The following ITIH1 variants were observed in gnomAD, a reference collection of about 807,000 sequenced individuals.
ITIH1 encodes inter-alpha-trypsin inhibitor heavy chain H1.
ITIH1 carries 94 observed loss-of-function variants against 104.6 expected under a neutral mutation model. The ratio of observed to expected loss-of-function variants is 0.90; its 90% CI spans 0.76 to 1.07. The LOEUF (loss-of-function observed/expected upper bound fraction) is 1.07, where lower values mean the gene tolerates loss of function less well. Ranked by LOEUF, ITIH1 falls within the 50% of genes least tolerant of loss-of-function variation. The probability of loss-of-function intolerance (pLI) is 0.00; values close to 1 mark genes in which losing one functional copy is unlikely to be tolerated. For missense variants in ITIH1, 1,193 were observed against 1,181.4 expected (o/e 1.01, Z -0.14); for synonymous variants, 455 against 464.4 (o/e 0.98, Z 0.26).
In ITIH1 at chr3:52,784,368, T is replaced by C. The variant is rs1430412156; in HGVS notation, c.1298T>C (p.Leu433Pro). 6.2e-7 allele frequency: 1 copy of C among 1,614,120 alleles called. No individual in the cohort carries two copies. ...AIRGRFPLYN[L>P]GFGHNVDFNF... ...CGGGGCAGGTTCCCGCTCTACAACC[T>C]GGGTTTCGGCCACAATGTGGACTTT... Residue 433 changes from leucine (L) to proline (P), a missense_variant, in exon 11 of 22, where the codon CTG (leucine) becomes CCG (proline). Leu to Pro is a moderately conservative substitution (Grantham distance 98). Transcript: ENST00000273283.
intron 10 of ITIH1, 76 bp downstream of exon 10, chr3:52,783,415 C>G: frequency 6.6e-7 from 1 of 1,522,022 alleles, no homozygotes; most frequent in Admixed American, 1.9e-5. Flanking sequence ...AGTTGGAAAC[C>G]CAACCATTGG....
rs563814051 is a variant in ITIH1, at chr3:52,781,208, T to TC, written c.688-732_688-731insC. ...CACCTCCTCCTCTTCTTTTTTTTTT[T>TC]TTCTTCTTCTTCTTCTTCTTCTTCT... On this transcript the variant is annotated intron_variant, in intron 6 of 21. Coordinates refer to ENST00000273283, the MANE Select transcript of ITIH1 (RefSeq NM_002215.4). Among the ~76,000 whole-genome samples the TC allele has an allele frequency of 2.6e-3, 130 of 49,906 alleles. 4 individuals are homozygous for TC. Among genetic ancestry groups the TC allele is most frequent in the African/African-American group, 0.01 (114 of 10,920 alleles). The allele number at this position is 49,906 out of a possible 152,430, so 32.7% of individuals were successfully genotyped here. A position where few individuals can be genotyped will look rare whatever the true frequency, so the allele number is the denominator to read the frequency against.
rs200911347 is a variant in ITIH1 at position 52,788,063 on chromosome 3, G to A, written c.2002G>A (p.Gly668Ser). 97 of 1,602,888 alleles carry A rather than the reference G, an allele frequency of 6.1e-5. No homozygotes were observed. Among genetic ancestry groups the A allele is most frequent in the African/African-American group, 2.7e-4 (20 of 74,950 alleles). The change falls in exon 17 of 22, where the codon GGC becomes AGC. Residue 668 changes from glycine (G) to serine (S), a missense_variant. Physicochemically the swap from Gly to Ser is moderately conservative, Grantham distance 56. Coordinates refer to ENST00000273283, the MANE Select transcript of ITIH1 (RefSeq NM_002215.4). ...CCAGCGGCTGCCAGACCGAGTGACC[G>A]GCGGTGAGTCCTTGGAAGGGTCTGA... ...NTQRLPDRVT[G>S]VDTDPHFIIH...
At chr3:52,785,268 C>A (rs1160552996) in intron 12 of ITIH1, 39 bp downstream of exon 12, 4 of 1,596,122 alleles carry the variant, frequency 2.5e-6, no homozygotes, top group Non-Finnish European at 2.6e-6. Flanking sequence ...GGCCAGGCAG[C>A]ACCCTAGAGG....
chr3:52,777,798 C>T (rs553963293), intron 1 of ITIH1, 66 bp downstream of exon 1: 3 of 1,448,150 alleles, frequency 2.1e-6, no homozygotes, highest in Non-Finnish European at 2.9e-6. Flanking sequence ...GGGCGGGACA[C>T]AAGACCCCCA....
At position 52,778,290 on chromosome 3, in the gene ITIH1, G is replaced by A. The variant is rs143729238; in HGVS notation, c.139-50G>A. 342 of 1,581,614 alleles carry A rather than the reference G, an allele frequency of 2.2e-4. 2 individuals carry two copies. In the African/African-American group the frequency reaches 4.0e-3, roughly 18 times the overall value. On this transcript the variant is annotated intron_variant, in intron 2 of 21. Coordinates refer to ENST00000273283, the MANE Select transcript of ITIH1 (RefSeq NM_002215.4). ...GTCCCCGTACCACAGGAAGTCCCTC[G>A]CTGACAGAGGCCCTGTCTCAGGCCA...
rs201059723 is a variant in ITIH1, at chr3:52,786,323, T to C, written c.1622T>C (p.Leu541Pro). ...GGACAAGAATTCAGTATAACCTGCCTAGTGGATGAGGAGGAGATGAAGAAA... is the reference window on the plus strand; with the variant it reads ...GGACAAGAATTCAGTATAACCTGCCCAGTGGATGAGGAGGAGATGAAGAAA... ...GEGQEFSITC[L>P]VDEEEMKKLL... Residue 541 changes from leucine to proline, a missense_variant, in exon 13 of 22, where the codon CTA becomes CCA. Leu to Pro is a moderately conservative substitution (Grantham distance 98). Coordinates refer to ENST00000273283, the MANE Select transcript of ITIH1 (RefSeq NM_002215.4). 2 of 1,572,766 alleles carry C rather than the reference T, an allele frequency of 1.3e-6. No homozygotes were observed. The highest frequency in any genetic ancestry group is 1.3e-5 in the African/African-American group (1 of 74,436).
At chr3:52,791,730 G>C in intron 21 of ITIH1, 52 bp from the exon 22 acceptor site, 3 of 1,606,306 alleles carry the variant, frequency 1.9e-6, no homozygotes, top group Non-Finnish European at 1.7e-6. Flanking sequence ...TCCTGGGGAG[G>C]TGCTGCCCTA....
chr3:52,791,020 G>A, intron 20 of ITIH1, 99 bp downstream of exon 20: 1 of 1,266,768 alleles, frequency 7.9e-7, no homozygotes, highest in Non-Finnish European at 1.1e-6. Context: ...CTGGGCACCA[G>A]GACAGGCCCA....
At chr3:52,778,592 T>A in intron 3 of ITIH1, 86 bp downstream of exon 3, 1 of 1,577,232 alleles carries the variant, frequency 6.3e-7, no homozygotes. Context: ...AGTGGCCAGA[T>A]AACGCAGAGC....
chr3:52,779,029 G>C lies in ITIH1; in HGVS notation c.393G>C (p.Glu131Asp), dbSNP rs1261472017. The C allele has an allele frequency of 6.2e-7, 1 of 1,613,218 alleles. No homozygotes were observed. The highest frequency in any genetic ancestry group is 8.5e-7 in the Non-Finnish European group (1 of 1,179,118). ...KQYRKAAISG[E>D]NAGLVRASGR... ...ACCGGAAAGCAGCTATCTCAGGAGA[G>C]AATGCCGGCCTTGTCAGGTGAGTTC... Residue 131 changes from glutamate to aspartate, a missense_variant, in exon 4 of 22, where the codon GAG becomes GAC. Transcript: ENST00000273283. The surrounding 1 kb of genome is among the most constrained non-coding windows in gnomAD (Gnocchi z 4.4).
Position 52,779,071 on chromosome 3 carries a change from A to T in ITIH1, c.410+25A>T. On this transcript the variant is annotated intron_variant, in intron 4 of 21. Transcript: ENST00000273283. The surrounding 1 kb of genome is among the most constrained non-coding windows in gnomAD (Gnocchi z 4.4). ...GGTGAGTTCTGGGCCTGCTGGTCTC[A>T]TCTCTAGGGCTGCCCTCCCCAGCCA... 1 of 1,510,958 alleles carries T rather than the reference A, an allele frequency of 6.6e-7. No homozygotes were observed. Among genetic ancestry groups the T allele is most frequent in the Non-Finnish European group, 9.2e-7 (1 of 1,085,834 alleles). The allele number at this position is 1,510,958 out of a possible 1,614,324, so 93.6% of individuals were successfully genotyped here.
chr3:52,785,517 C>T (rs1190870884), intron 12 of ITIH1, among the ~76,000 whole-genome samples: 1 of 152,194 alleles, frequency 6.6e-6, no homozygotes, highest in Non-Finnish European at 1.5e-5. Flanking sequence ...TGCAAGAGAG[C>T]AAGAGACCAA....
chr3:52,780,044 C>T (rs1432558068), intron 5 of ITIH1: 4 of 1,208,830 alleles, frequency 3.3e-6, no homozygotes, highest in Non-Finnish European at 4.5e-6. Flanking sequence ...TGGGTGGGTG[C>T]TGCACACAGT....
chr3:52,778,090 G>A (rs977536663), intron 2 of ITIH1, 73 bp downstream of exon 2: 4 of 1,545,256 alleles, frequency 2.6e-6, no homozygotes, highest in African/African-American at 1.4e-5. Context: ...AACCTGTCAG[G>A]GGTGGACCCC....
intron 17 of ITIH1, 74 bp downstream of exon 17, chr3:52,788,140 C>T: frequency 2.6e-6 from 4 of 1,515,750 alleles, no homozygotes; most frequent in Non-Finnish European, 2.7e-6. Context: ...CTCTCTCTGT[C>T]TCTCTCTGGG....
intron 13 of ITIH1, 42 bp from the exon 14 acceptor site, chr3:52,786,903 G>C (rs760957600): frequency 3.8e-6 from 6 of 1,571,080 alleles, no homozygotes; most frequent in Non-Finnish European, 5.2e-6. Flanking sequence ...GATGAGGGCC[G>C]TGCAAGTCGG....
At chr3:52,791,330 T>C (rs1699349993) in intron 20 of ITIH1, among the ~76,000 whole-genome samples, 187 bp from the exon 21 acceptor site, 1 of 151,714 alleles carries the variant, frequency 6.6e-6, no homozygotes, top group African/African-American at 2.4e-5. Flanking sequence ...CACCTAGAAA[T>C]GTATCTACTT....
intron 8 of ITIH1, 37 bp downstream of exon 8, chr3:52,782,304 C>A: frequency 6.7e-7 from 1 of 1,494,692 alleles, no homozygotes; most frequent in Non-Finnish European, 9.3e-7. Context: ...CCAGCAGAAG[C>A]TTCCACAGCC....
Sources: allele counts gnomAD v4.1 joint callset (sites outside exome capture counted in the v4.1 genomes callset), GRCh38; gene constraint gnomAD v4.1.1; non-coding constraint Gnocchi (gnomAD v3.1); transcripts MANE v1.5; gene names NCBI Gene and HGNC (gene_info 2026-07-23, HGNC 2026-07-21).